Variants in DCLK2 observed in about 807,000 individuals in gnomAD.
DCLK2 encodes the protein serine/threonine-protein kinase DCLK2.
Under a neutral mutation model 78.4 loss-of-function variants are expected in DCLK2, and 31 were observed. That is an observed-to-expected ratio of 0.40 (90% confidence interval 0.30 to 0.53). The LOEUF (loss-of-function observed/expected upper bound fraction) is 0.53, where lower values mean the gene tolerates loss of function less well. DCLK2 is among the 20% of genes least tolerant of loss of function. The pLI is 0.61. For missense variants in DCLK2, 872 were observed against 973.7 expected, an observed-to-expected ratio of 0.90 and a Z score of 1.39; for synonymous variants, 407 against 374.9, an observed-to-expected ratio of 1.09 and a Z score of -0.99.
intron 1 of DCLK2, among the ~76,000 whole-genome samples, chr4:150,093,621 A>C (rs934699150): frequency 6.6e-6 from 1 of 152,206 alleles, no homozygotes; most frequent in African/African-American, 2.4e-5. Context: ...GCCACAAGCA[A>C]TCCACCCACC....
At position 150,121,242 on chromosome 4, in the gene DCLK2, A is replaced by T. The variant is rs370264242; in HGVS notation, c.756+18430A>T. Among the ~76,000 whole-genome samples the T allele has an allele frequency of 8.6e-4, 64 of 74,848 alleles. 2 individuals are homozygous for T. The South Asian group carries it at 0.022, about 26-fold the overall frequency. 49.1% of individuals were successfully genotyped at this position (74,848 alleles called of 152,430 possible). ...ACAAGAATGTGTGATATGCTATTTG[A>T]TAGCATTTTAGCCACAGTAGAACTT... On this transcript the variant is annotated intron_variant, in intron 2 of 15. Coordinates refer to ENST00000296550, the MANE Select transcript of DCLK2 (RefSeq NM_001040260.4).
chr4:150,234,434 C>T (rs989430722), intron 10 of DCLK2, among the ~76,000 whole-genome samples: 1 of 152,148 alleles, frequency 6.6e-6, no homozygotes, highest in Admixed American at 6.5e-5. Context: ...GAGTATTGCT[C>T]ACTGACCACT....
intron 2 of DCLK2, among the ~76,000 whole-genome samples, chr4:150,134,122 C>A (rs1390581696): frequency 7.6e-6 from 1 of 131,542 alleles, no homozygotes; most frequent in Non-Finnish European, 1.5e-5. Context: ...GCTCTGTTGC[C>A]CAGGCTGGAG....
rs183130420 is a variant in DCLK2, at chr4:150,110,262, T to C, written c.756+7450T>C. 2.0e-3 allele frequency among the ~76,000 whole-genome samples: 298 copies of C among 152,326 alleles called. 1 individual carries two copies. Among genetic ancestry groups the C allele is most frequent in the Non-Finnish European group, 2.5e-3 (172 of 68,018 alleles). ...GGGAGTAATGCATGCAGCATAAAGA[T>C]AGTGTTAAAATTAGTTATTAAGCTG... On this transcript the variant is annotated intron_variant, in intron 2 of 15. Coordinates refer to ENST00000296550, the MANE Select transcript of DCLK2 (RefSeq NM_001040260.4).
chr4:150,132,219 C>T (rs1302643480), intron 2 of DCLK2, among the ~76,000 whole-genome samples: 2 of 152,220 alleles, frequency 1.3e-5, no homozygotes, highest in Non-Finnish European at 2.9e-5. Context: ...CAGCTCCTTC[C>T]ATTCCCTTCT....
At chr4:150,089,016 G>T (rs190904657) in intron 1 of DCLK2, among the ~76,000 whole-genome samples, 2 of 152,274 alleles carry the variant, frequency 1.3e-5, no homozygotes, top group Admixed American at 6.5e-5. Context: ...CCGTTCTGTG[G>T]TGTAAAGATA....
intron 2 of DCLK2, among the ~76,000 whole-genome samples, chr4:150,130,825 C>T (rs75944360): frequency 3.2e-4 from 48 of 152,026 alleles, no homozygotes; most frequent in Non-Finnish European, 5.9e-4. Flanking sequence ...CTTGGACCAC[C>T]GAAACTGGAG....
intron 14 of DCLK2, among the ~76,000 whole-genome samples, chr4:150,249,284 G>T (rs1445966917): frequency 6.6e-6 from 1 of 152,136 alleles, no homozygotes; most frequent in Non-Finnish European, 1.5e-5. Context: ...GTAGCCTAAA[G>T]TGTGTCCTGC....
At chr4:150,104,025 A>C (rs777991126) in intron 2 of DCLK2, among the ~76,000 whole-genome samples, 7 of 152,140 alleles carry the variant, frequency 4.6e-5, no homozygotes, top group Non-Finnish European at 1.5e-5. Flanking sequence ...TATTTGACAA[A>C]TCAAATAGTT....
chr4:150,225,481 T>C (rs1231892053), intron 8 of DCLK2, among the ~76,000 whole-genome samples: 3 of 152,238 alleles, frequency 2.0e-5, no homozygotes, highest in Non-Finnish European at 4.4e-5. Context: ...TCCATTGTGG[T>C]AACACATCAA....
chr4:150,255,999 T>A (rs1334213829), intron 15 of DCLK2, 21 bp from the exon 16 acceptor site: 1 of 1,610,632 alleles, frequency 6.2e-7, no homozygotes, highest in Non-Finnish European at 8.5e-7. Flanking sequence ...TAATGTGTTG[T>A]CTCTGCTGTT....
intron 1 of DCLK2, among the ~76,000 whole-genome samples, chr4:150,081,631 T>C (rs1729284775): frequency 2.0e-5 from 3 of 152,144 alleles, no homozygotes; most frequent in African/African-American, 7.2e-5. Context: ...TCTCTGACAA[T>C]GGGTCTTTGT....
intron 12 of DCLK2, among the ~76,000 whole-genome samples, chr4:150,244,246 A>G (rs1743140119): frequency 6.6e-6 from 1 of 152,104 alleles, no homozygotes; most frequent in South Asian, 2.1e-4. Context: ...ATTTCCCTCT[A>G]GTCTTTTTCA....
intron 2 of DCLK2, among the ~76,000 whole-genome samples, chr4:150,168,084 C>G (rs1736229754): frequency 6.6e-6 from 1 of 152,224 alleles, no homozygotes; most frequent in Non-Finnish European, 1.5e-5. Flanking sequence ...TGGCTCACGC[C>G]TGTAATCCCA....
chr4:150,166,614 G>T (rs1397397730), intron 2 of DCLK2, among the ~76,000 whole-genome samples: 1 of 152,202 alleles, frequency 6.6e-6, no homozygotes, highest in African/African-American at 2.4e-5. Context: ...TCTGGGAGCT[G>T]CCTTGTGTGA....
chr4:150,255,459 G>C (rs1744490021), intron 15 of DCLK2, among the ~76,000 whole-genome samples: 1 of 152,246 alleles, frequency 6.6e-6, no homozygotes, highest in South Asian at 2.1e-4. Flanking sequence ...GGATAAGGAA[G>C]CTTTGCTTCA....
chr4:150,125,322 C>T (rs1438813166), intron 2 of DCLK2, among the ~76,000 whole-genome samples: 1 of 152,062 alleles, frequency 6.6e-6, no homozygotes, highest in Non-Finnish European at 1.5e-5. Context: ...ATAATTATTC[C>T]TATTTTCCAG....
chr4:150,194,475 T>G (rs1000379865), intron 3 of DCLK2, among the ~76,000 whole-genome samples: 2 of 152,210 alleles, frequency 1.3e-5, no homozygotes, highest in East Asian at 3.8e-4. Context: ...TTTTGCTAAC[T>G]TTTGCCAATA....
At chr4:150,207,624 G>A (rs1055581747) in intron 5 of DCLK2, among the ~76,000 whole-genome samples, 1 of 152,170 alleles carries the variant, frequency 6.6e-6, no homozygotes, top group East Asian at 1.9e-4. Flanking sequence ...GCCAGTAGCG[G>A]AAGGAAAGCT....
Sources: allele counts gnomAD v4.1 joint callset (sites outside exome capture counted in the v4.1 genomes callset), GRCh38; gene constraint gnomAD v4.1.1; transcripts MANE v1.5; gene names NCBI Gene and HGNC (gene_info 2026-07-23, HGNC 2026-07-21).